NUP35: variants seen among roughly 807,000 people sequenced by gnomAD.
The protein encoded by NUP35 is nucleoporin NUP35.
NUP35 carries 25 observed loss-of-function variants against 41.5 expected under a neutral mutation model. The ratio of observed to expected loss-of-function variants is 0.60; its 90% CI spans 0.44 to 0.84. NUP35 has a LOEUF of 0.84. Among genes scored for constraint, NUP35 ranks in the 40% least tolerant of loss-of-function variants. NUP35 has a pLI of 0.00. For missense variants in NUP35, 396 were observed against 396.6 expected, an observed-to-expected ratio of 1.00 and a Z score of 0.01; for synonymous variants, 149 against 130.7, an observed-to-expected ratio of 1.14 and a Z score of -0.96.
chr2:183,157,760 C>T (rs17706149), intron 6 of NUP35, among the ~76,000 whole-genome samples: 11,816 of 152,016 alleles, frequency 0.078, 543 homozygotes, highest in South Asian at 0.17. Context: ...CTTTCTTAAA[C>T]AGTTTACAGT....
intron 4 of NUP35, among the ~76,000 whole-genome samples, chr2:183,143,337 C>T (rs1214229338): frequency 6.6e-6 from 1 of 151,404 alleles, no homozygotes; most frequent in African/African-American, 2.4e-5. Context: ...TCAAATGAGG[C>T]ACTAAAAGCT....
In NUP35 at chr2:183,137,076, C is replaced by T. The variant is rs906532246; in HGVS notation, c.397+3453C>T. ...CTGCACTCCAGCCTGGGTGATAGAG[C>T]GAGACTTTGTCTCCAAAAAAAAGAA... On this transcript the variant is annotated intron_variant, in intron 4 of 8. Transcript: ENST00000295119. Among the ~76,000 whole-genome samples the T allele has an allele frequency of 5.3e-5, 8 of 151,734 alleles. No individual in the cohort carries two copies. In the East Asian group the frequency reaches 1.4e-3, roughly 26 times the overall value.
upstream of NUP35, among the ~76,000 whole-genome samples, chr2:183,122,629 T>C (rs1700085702): frequency 6.6e-6 from 1 of 152,208 alleles, no homozygotes; most frequent in Non-Finnish European, 1.5e-5. Context: ...TCATAATTTG[T>C]ATAGAAATTT....
chr2:183,150,667 C>T (rs1228559199), intron 4 of NUP35, among the ~76,000 whole-genome samples: 2 of 152,076 alleles, frequency 1.3e-5, no homozygotes, highest in Admixed American at 1.3e-4. Context: ...TTATTTGTCT[C>T]TCTTTCGCTA....
At chr2:183,136,841 G>A (rs1363377521) in intron 4 of NUP35, among the ~76,000 whole-genome samples, 1 of 152,040 alleles carries the variant, frequency 6.6e-6, no homozygotes, top group Admixed American at 6.5e-5. Flanking sequence ...AGTAATCCCA[G>A]CACTTTAGGA....
intron 5 of NUP35, among the ~76,000 whole-genome samples, chr2:183,153,250 A>T (rs7585172): frequency 6.6e-6 from 1 of 151,970 alleles, no homozygotes; most frequent in Non-Finnish European, 1.5e-5. Context: ...ATTTCATTTC[A>T]TCCTTGGCCC....
Position 183,161,065 on chromosome 2 carries a change from C to T in NUP35, c.915C>T (p.Asp305=), listed in dbSNP as rs1421356802. The T allele has an allele frequency of 2.5e-6, 4 of 1,612,072 alleles. No individual in the cohort carries two copies. The highest frequency in any genetic ancestry group is 3.4e-6 in the Non-Finnish European group (4 of 1,178,686). ...ASTSDYQVIS[D]RQTPKKDESL... ...GTGTTTTTTAATAGGTTATTTCTGA[C>T]AGACAAACGCCAAAAAAAGATGAAA... Residue 305 remains aspartate, a synonymous_variant, in exon 9 of 9, where the codon GAC becomes GAT. Coordinates refer to ENST00000295119, the MANE Select transcript of NUP35 (RefSeq NM_138285.5).
At position 183,128,406 on chromosome 2, in the gene NUP35, A is replaced by C; in HGVS notation, c.160A>C (p.Ile54Leu). ...TCCGGTGACTCCACAACCTCGATCA[A>C]TTAGTGGCCCTTCAGTAGGAGTAAT... is the stretch of plus-strand genomic sequence containing the variant. ...PAPVTPQPRS[I>L]SGPSVGVMEM... The change falls in exon 2 of 9, where the codon ATT becomes CTT. Residue 54 changes from isoleucine (I) to leucine (L), a missense_variant. By Grantham distance (5) the Ile-to-Leu change is conservative (BLOSUM62 2). Transcript: ENST00000295119. 1 of 1,614,062 alleles carries C rather than the reference A, an allele frequency of 6.2e-7. No individual in the cohort carries two copies. The highest frequency in any genetic ancestry group is 8.5e-7 in the Non-Finnish European group (1 of 1,179,976).
chr2:183,136,698 A>T (rs919512244), intron 4 of NUP35, among the ~76,000 whole-genome samples: 1 of 152,222 alleles, frequency 6.6e-6, no homozygotes, highest in Non-Finnish European at 1.5e-5. Context: ...AAGTCAGCTG[A>T]GTAGTAACCC....
rs75636601 is a variant in NUP35, at chr2:183,151,873, C to T, written c.539+224C>T. 3.5e-3 allele frequency among the ~76,000 whole-genome samples: 532 copies of T among 152,266 alleles called. 4 individuals are homozygous for T. The highest frequency in any genetic ancestry group is 0.012 in the African/African-American group (515 of 41,538). On this transcript the variant is annotated intron_variant, in intron 5 of 8. Coordinates refer to ENST00000295119, the MANE Select transcript of NUP35 (RefSeq NM_138285.5). ...TCATAATAAGTTGTAGACATCAATA[C>T]ATATTACCCTGACACTTGAGCATGC...
At chr2:183,154,343 G>A (rs566560239) in intron 5 of NUP35, among the ~76,000 whole-genome samples, 10 of 152,260 alleles carry the variant, frequency 6.6e-5, no homozygotes, top group South Asian at 2.1e-4. Context: ...TTTCTACTGC[G>A]TTGTCAGGCT....
rs147142749 is a variant in NUP35, at chr2:183,127,610, C to G, written c.41-677C>G. On this transcript the variant is annotated intron_variant, in intron 1 of 8. Transcript: ENST00000295119. Reference sequence around the variant, plus strand: ...TGGGGAAGAAAAAGAAACAATTTAGCAAGCTTAACCCATTGTGTTTGATAT... The same window carrying G: ...TGGGGAAGAAAAAGAAACAATTTAGGAAGCTTAACCCATTGTGTTTGATAT... Among the ~76,000 whole-genome samples, 862 of 152,300 alleles carry G rather than the reference C, an allele frequency of 5.7e-3. 6 individuals carry two copies. The highest frequency in any genetic ancestry group is 0.036 in the South Asian group (175 of 4,826).
intron 5 of NUP35, among the ~76,000 whole-genome samples, chr2:183,151,958 T>G (rs1685482213): frequency 6.6e-6 from 1 of 152,190 alleles, no homozygotes; most frequent in South Asian, 2.1e-4. Context: ...GTCTGTTTAT[T>G]TCTTCCCAAA....
chr2:183,132,429 G>A (rs902934528), intron 3 of NUP35, among the ~76,000 whole-genome samples: 1 of 151,904 alleles, frequency 6.6e-6, no homozygotes, highest in South Asian at 2.1e-4. Context: ...GTGGTGGTGT[G>A]TACCTATAGT....
rs530659897 is a variant in NUP35 at position 183,149,031 on chromosome 2, A to G, written c.398-2477A>G. Among the ~76,000 whole-genome samples, 10 of 152,304 alleles carry G rather than the reference A, an allele frequency of 6.6e-5. No homozygotes were observed. In the South Asian group the frequency reaches 1.9e-3, roughly 28 times the overall value. On this transcript the variant is annotated intron_variant, in intron 4 of 8. Transcript: ENST00000295119. ...CATACTTGGAGAAATCCATGTGACT[A>G]TAAACACTTTGGAATGAGTTAGGAT... is the stretch of plus-strand genomic sequence containing the variant.
chr2:183,141,976 C>T (rs1030254163), intron 4 of NUP35, among the ~76,000 whole-genome samples: 19 of 152,250 alleles, frequency 1.2e-4, no homozygotes, highest in African/African-American at 4.6e-4. Context: ...TTTAAAACCT[C>T]ATGTCAGAAA....
intron 4 of NUP35, among the ~76,000 whole-genome samples, chr2:183,136,903 A>T (rs1302043280): frequency 1.3e-5 from 2 of 152,112 alleles, no homozygotes; most frequent in African/African-American, 2.4e-5. Flanking sequence ...CAGGCTGGCC[A>T]ATATGGGGAA....
chr2:183,140,529 T>C (rs1466379297), intron 4 of NUP35, among the ~76,000 whole-genome samples: 1 of 152,140 alleles, frequency 6.6e-6, no homozygotes, highest in Admixed American at 6.5e-5. Context: ...AAATAATAAA[T>C]TCAGATGGTT....
chr2:183,161,415 T>G lies in NUP35; in HGVS notation c.*284T>G, dbSNP rs1685874102. On this transcript the variant is annotated 3_prime_UTR_variant, in exon 9 of 9. Coordinates refer to ENST00000295119, the MANE Select transcript of NUP35 (RefSeq NM_138285.5). ...AAAACTCAGCATTGATTATTGTAAA[T>G]TAAATAACTGAAATTGTGGTGAGAC... 1 of 214,176 alleles carries G rather than the reference T, an allele frequency of 4.7e-6. No homozygotes were observed. Among genetic ancestry groups the G allele is most frequent in the Non-Finnish European group, 9.2e-6 (1 of 109,086 alleles). The allele number at this position is 214,176 out of a possible 1,614,324, so 13.3% of individuals were successfully genotyped here.
Sources: allele counts gnomAD v4.1 joint callset (sites outside exome capture counted in the v4.1 genomes callset), GRCh38; gene constraint gnomAD v4.1.1; transcripts MANE v1.5; gene names NCBI Gene and HGNC (gene_info 2026-07-23, HGNC 2026-07-21).